PDLIM4: variants seen among roughly 807,000 people sequenced by gnomAD.
The protein encoded by PDLIM4 is PDZ and LIM domain 4.
Under a neutral mutation model 31.3 loss-of-function variants are expected in PDLIM4, and 19 were observed. That is an observed-to-expected ratio of 0.61 (90% CI 0.42 to 0.89). The LOEUF (loss-of-function observed/expected upper bound fraction) is 0.89. Ranked by LOEUF, PDLIM4 falls within the 40% of genes least tolerant of loss-of-function variation. The pLI, the probability that PDLIM4 is intolerant of heterozygous loss-of-function variation, is 0.00. For missense variants in PDLIM4, 442 were observed against 461.1 expected (o/e 0.96, Z 0.38); for synonymous variants, 176 against 190.1 (o/e 0.93, Z 0.61).
chr5:132,263,487 C>G (rs996970709), intron 2 of PDLIM4, among the ~76,000 whole-genome samples: 1 of 150,268 alleles, frequency 6.7e-6, no homozygotes, highest in Admixed American at 6.6e-5. Flanking sequence ...ATAAATGATC[C>G]TGGGATAGAA....
intron 2 of PDLIM4, among the ~76,000 whole-genome samples, chr5:132,263,046 C>T (rs1034201575): frequency 1.6e-4 from 19 of 119,340 alleles, no homozygotes; most frequent in Admixed American, 1.2e-3. Context: ...TGAATAGCCT[C>T]TGGGGCATTT....
Position 132,257,877 on chromosome 5 carries a change from G to C in PDLIM4, c.93+50G>C, listed in dbSNP as rs1440660401. The C allele has an allele frequency of 9.1e-7, 1 of 1,097,394 alleles. No individual in the cohort carries two copies. Among genetic ancestry groups the C allele is most frequent in the African/African-American group, 1.6e-5 (1 of 60,830 alleles). 68.0% of individuals were successfully genotyped at this position (1,097,394 alleles called of 1,614,324 possible). On this transcript the variant is annotated intron_variant, in intron 1 of 6. Coordinates refer to ENST00000253754, the MANE Select transcript of PDLIM4 (RefSeq NM_003687.4). The surrounding 1 kb of genome is among the most constrained non-coding windows in gnomAD (Gnocchi z 4.3). ...CAGGGCGGTCCCATGTCTGAGACCG[G>C]GTTCTCGCGGTCCGCCCGGGACCCA...
Position 132,262,689 on chromosome 5 carries a change from G to A in PDLIM4, c.174G>A (p.Glu58=), listed in dbSNP as rs767522289. ...LIQAINGEST[E]LMTHLEAQNR... ...AGGCCATCAATGGTGAGAGCACAGA[G>A]CTCATGACACACCTGGAGGCACAGA... The change falls in exon 2 of 7, where the codon GAG becomes GAA. Residue 58 remains glutamate (E), a synonymous_variant. Coordinates refer to ENST00000253754, the MANE Select transcript of PDLIM4 (RefSeq NM_003687.4). The A allele has an allele frequency of 4.3e-6, 7 of 1,613,558 alleles. No individual in the cohort carries two copies. The highest frequency in any genetic ancestry group is 2.2e-5 in the East Asian group (1 of 44,870).
chr5:132,269,880 A>G (rs1580802788), intron 3 of PDLIM4, among the ~76,000 whole-genome samples: 1 of 152,196 alleles, frequency 6.6e-6, no homozygotes, highest in Non-Finnish European at 1.5e-5. Context: ...CACTATGGCC[A>G]TTCCCAGGGT....
intron 4 of PDLIM4, 41 bp from the exon 5 acceptor site, chr5:132,271,262 G>T: frequency 6.4e-7 from 1 of 1,565,278 alleles, no homozygotes. Flanking sequence ...GTGAAGGCTG[G>T]AACTGCATCC....
chr5:132,258,479 C>T (rs366512), intron 1 of PDLIM4, among the ~76,000 whole-genome samples: 3,113 of 152,324 alleles, frequency 0.02, 133 homozygotes, highest in East Asian at 0.19. Context: ...GCCTCAGGCC[C>T]GTTCCTCAAG....
At chr5:132,271,735 G>T in intron 5 of PDLIM4, 56 bp from the exon 6 acceptor site, 1 of 1,257,258 alleles carries the variant, frequency 8.0e-7, no homozygotes, top group South Asian at 1.2e-5. Flanking sequence ...ACACCCCGCA[G>T]AAATGGAGTT....
rs1756655855 is a variant in PDLIM4 at position 132,272,647 on chromosome 5, A to G, written c.*418A>G. ...GGAGGCACAAACTCTGCACGGGGGA[A>G]CTGTGTGTGCAAAGGTGAGCTGGGG... On this transcript the variant is annotated 3_prime_UTR_variant, in exon 7 of 7. Transcript: ENST00000253754. 5 of 274,552 alleles carry G rather than the reference A, an allele frequency of 1.8e-5. No individual in the cohort carries two copies. Among genetic ancestry groups the G allele is most frequent in the Non-Finnish European group, 3.6e-5 (5 of 137,912 alleles). The allele number at this position is 274,552 out of a possible 1,614,324, so 17.0% of individuals were successfully genotyped here.
chr5:132,266,555 G>A lies in PDLIM4; in HGVS notation c.327+10G>A. ...CGATCCTGAGATCCAGGTATGTACAGACACTGCCTGGCCTGGCCTGGCTCA... is the reference window on the plus strand; with the variant it reads ...CGATCCTGAGATCCAGGTATGTACAAACACTGCCTGGCCTGGCCTGGCTCA... On this transcript the variant is annotated intron_variant, in intron 3 of 6. Coordinates refer to ENST00000253754, the MANE Select transcript of PDLIM4 (RefSeq NM_003687.4). 1 of 1,599,372 alleles carries A rather than the reference G, an allele frequency of 6.3e-7. No individual in the cohort carries two copies. The highest frequency in any genetic ancestry group is 8.6e-7 in the Non-Finnish European group (1 of 1,167,798).
At chr5:132,266,438 T>A (rs778655773) in intron 2 of PDLIM4, 26 bp from the exon 3 acceptor site, 2 of 1,525,912 alleles carry the variant, frequency 1.3e-6, no homozygotes, top group African/African-American at 2.7e-5. Flanking sequence ...AGGAGACATA[T>A]CTGACCATCA....
chr5:132,271,640 A>AC, intron 5 of PDLIM4, 151 bp from the exon 6 acceptor site: 2 of 915,254 alleles, frequency 2.2e-6, no homozygotes, highest in South Asian at 2.7e-5. Context: ...TTCCCTCTCC[A>AC]CCCCCTGTCG....
At chr5:132,258,694 G>A (rs977648674) in intron 1 of PDLIM4, among the ~76,000 whole-genome samples, 6 of 152,246 alleles carry the variant, frequency 3.9e-5, no homozygotes, top group African/African-American at 1.4e-4. Flanking sequence ...CCTGCCCTTG[G>A]GGGTCCCCAG....
At chr5:132,270,732 C>A (rs1011012276) in intron 3 of PDLIM4, among the ~76,000 whole-genome samples, 183 bp from the exon 4 acceptor site, 2 of 152,234 alleles carry the variant, frequency 1.3e-5, no homozygotes, top group African/African-American at 4.8e-5. Flanking sequence ...ATAACCAGTC[C>A]CCAGGCCCAG....
chr5:132,263,574 G>C (rs1200366853), intron 2 of PDLIM4, among the ~76,000 whole-genome samples: 1 of 152,176 alleles, frequency 6.6e-6, no homozygotes, highest in East Asian at 1.9e-4. Context: ...AGAAGCAGTT[G>C]GCCTAAGCCT....
In PDLIM4 at chr5:132,259,315, G is replaced by A. The variant is rs559234814; in HGVS notation, c.93+1488G>A. On this transcript the variant is annotated intron_variant, in intron 1 of 6. Coordinates refer to ENST00000253754, the MANE Select transcript of PDLIM4 (RefSeq NM_003687.4). Reference sequence around the variant, plus strand: ...GGCTGACGGCTGCAGGCGGCAGGGAGCTGAGACATCTGTTGCCCACGCGGC... The same window carrying A: ...GGCTGACGGCTGCAGGCGGCAGGGAACTGAGACATCTGTTGCCCACGCGGC... Among the ~76,000 whole-genome samples the A allele has an allele frequency of 1.2e-4, 18 of 152,260 alleles. 1 individual carries two copies. In the South Asian group the frequency reaches 2.5e-3, roughly 21 times the overall value.
intron 2 of PDLIM4, among the ~76,000 whole-genome samples, chr5:132,265,200 C>T (rs1270759362): frequency 1.3e-5 from 2 of 152,186 alleles, no homozygotes; most frequent in African/African-American, 4.8e-5. Context: ...ATGATTAAGC[C>T]CTTCATTCTG....
intron 2 of PDLIM4, among the ~76,000 whole-genome samples, chr5:132,265,928 A>G (rs911073316): frequency 6.6e-6 from 1 of 152,234 alleles, no homozygotes; most frequent in Admixed American, 6.5e-5. Context: ...CCTGTTTCCC[A>G]TCTGGGCTGG....
chr5:132,265,631 G>A (rs1756475141), intron 2 of PDLIM4, among the ~76,000 whole-genome samples: 1 of 152,200 alleles, frequency 6.6e-6, no homozygotes, highest in Non-Finnish European at 1.5e-5. Context: ...CAAGCTGCTA[G>A]GTCAGTAATG....
chr5:132,271,775 A>G lies in PDLIM4; in HGVS notation c.671-16A>G. On this transcript the variant is annotated splice_polypyrimidine_tract_variant and intron_variant, in intron 5 of 6. Transcript: ENST00000253754. ...CCTCCTCACCCCGTTCATGCCACCTACGCTCCGGGTTTCAGGGGATTGGCC... is the reference window on the plus strand; with the variant it reads ...CCTCCTCACCCCGTTCATGCCACCTGCGCTCCGGGTTTCAGGGGATTGGCC... The G allele has an allele frequency of 6.4e-7, 1 of 1,557,700 alleles. No individual in the cohort carries two copies. Among genetic ancestry groups the G allele is most frequent in the Non-Finnish European group, 8.9e-7 (1 of 1,129,428 alleles).
Sources: gnomAD v4.1 joint callset for allele counts (sites outside exome capture counted in the v4.1 genomes callset) on GRCh38, gnomAD v4.1.1 for gene constraint, Gnocchi (gnomAD v3.1) non-coding constraint, MANE v1.5 for transcripts, NCBI Gene and HGNC (gene_info 2026-07-23, HGNC 2026-07-21) for gene names.